Variants in KHDRBS2 observed in about 807,000 individuals in gnomAD.
KHDRBS2 encodes KH RNA binding domain containing, signal transduction associated 2.
KHDRBS2 carries 26 observed loss-of-function variants against 44.3 expected under a neutral mutation model. That is an observed-to-expected ratio of 0.59 (90% CI 0.43 to 0.81). The LOEUF is 0.81. Among genes scored for constraint, KHDRBS2 ranks in the 40% least tolerant of loss-of-function variants. The pLI is 0.00. For missense variants in KHDRBS2, 476 were observed against 433.1 expected (o/e 1.10, Z -0.88); for synonymous variants, 194 against 151.1 (o/e 1.28, Z -2.08).
the KHDRBS2 span, among the ~76,000 whole-genome samples, chr6:61,571,789 C>T: frequency 6.6e-6 from 1 of 151,674 alleles, no homozygotes; most frequent in Non-Finnish European, 1.5e-5. Context: ...ACATGCAAAA[C>T]CTCTGGGAGA....
the KHDRBS2 span, among the ~76,000 whole-genome samples, chr6:61,622,879 A>C: frequency 6.6e-6 from 1 of 152,124 alleles, no homozygotes; most frequent in African/African-American, 2.4e-5. Context: ...TGGTCAGATA[A>C]GTGTTCACAG....
chr6:62,062,386 C>T (rs1477263007), intron 2 of KHDRBS2, among the ~76,000 whole-genome samples: 1 of 144,542 alleles, frequency 6.9e-6, no homozygotes, highest in Non-Finnish European at 1.5e-5. Flanking sequence ...AAGTAAAGCT[C>T]TCCTCAGCAA....
chr6:61,860,872 A>C (rs1796853594), intron 6 of KHDRBS2, among the ~76,000 whole-genome samples: 1 of 151,924 alleles, frequency 6.6e-6, no homozygotes, highest in Non-Finnish European at 1.5e-5. Context: ...CACAATCTCG[A>C]CAGCATCTGT....
At chr6:61,710,982 T>C (rs1049320895) in intron 7 of KHDRBS2, among the ~76,000 whole-genome samples, 2 of 149,584 alleles carry the variant, frequency 1.3e-5, no homozygotes, top group Non-Finnish European at 3.0e-5. Context: ...GTGTTCCTAA[T>C]GCAGAAGCCC....
the KHDRBS2 span, among the ~76,000 whole-genome samples, chr6:61,567,224 GA>G: frequency 1.8e-4 from 27 of 151,696 alleles, no homozygotes; most frequent in South Asian, 1.0e-3. Flanking sequence ...CTCAAAGGGG[GA>G]AAAAAAAGAA....
the KHDRBS2 span, among the ~76,000 whole-genome samples, chr6:61,565,506 G>A: frequency 6.6e-6 from 1 of 152,004 alleles, no homozygotes; most frequent in Non-Finnish European, 1.5e-5. Context: ...TGGGCAAAAG[G>A]TCTAAATAGA....
intron 8 of KHDRBS2, among the ~76,000 whole-genome samples, chr6:61,682,391 A>G (rs1392062676): frequency 5.3e-5 from 8 of 151,894 alleles, no homozygotes; most frequent in Non-Finnish European, 1.2e-4. Context: ...TTAGTCTTTT[A>G]TAGGATATAA....
chr6:61,560,259 G>A, the KHDRBS2 span, among the ~76,000 whole-genome samples: 1 of 152,202 alleles, frequency 6.6e-6, no homozygotes, highest in East Asian at 1.9e-4. Context: ...ACCTTTAGAA[G>A]ATTAATAATT....
intron 2 of KHDRBS2, among the ~76,000 whole-genome samples, chr6:62,101,385 C>T (rs1398244370): frequency 1.3e-5 from 2 of 152,046 alleles, no homozygotes; most frequent in Non-Finnish European, 2.9e-5. Flanking sequence ...TCTTGGATTT[C>T]ATGGGGTAAA....
At chr6:61,677,394 T>G (rs1766005567), downstream of KHDRBS2, among the ~76,000 whole-genome samples, 2 of 151,932 alleles carry the variant, frequency 1.3e-5, no homozygotes, top group South Asian at 4.1e-4. Flanking sequence ...ATGTTACTGA[T>G]AAGTAAAATT....
intron 7 of KHDRBS2, among the ~76,000 whole-genome samples, chr6:61,706,860 T>C (rs1769649956): frequency 6.6e-6 from 1 of 151,482 alleles, no homozygotes; most frequent in Non-Finnish European, 1.5e-5. Context: ...TGTTAGGAAA[T>C]ACACAGTGAA....
chr6:62,046,482 A>G (rs1787720191), intron 3 of KHDRBS2, among the ~76,000 whole-genome samples: 3 of 151,940 alleles, frequency 2.0e-5, no homozygotes, highest in Non-Finnish European at 4.4e-5. Context: ...TGCTGGGGAG[A>G]TGATGACAAG....
chr6:61,954,838 A>G lies in KHDRBS2; in HGVS notation c.483+23228T>C, dbSNP rs201060306. Among the ~76,000 whole-genome samples the G allele has an allele frequency of 9.0e-3, 447 of 49,906 alleles. 122 individuals carry two copies. Among genetic ancestry groups the G allele is most frequent in the African/African-American group, 0.026 (222 of 8,520 alleles). The allele number at this position is 49,906 out of a possible 152,430, so 32.7% of individuals were successfully genotyped here. A position where few individuals can be genotyped will look rare whatever the true frequency, so the allele number is the denominator to read the frequency against. On this transcript the variant is annotated intron_variant, in intron 4 of 8. Transcript: ENST00000281156. ...CATGTGTATATACACATGCATATGT[A>G]TGTATACATATGCATGTGTATATAC...
intron 1 of KHDRBS2, among the ~76,000 whole-genome samples, chr6:62,196,228 G>A (rs1825674213): frequency 6.6e-6 from 1 of 152,128 alleles, no homozygotes; most frequent in Admixed American, 6.6e-5. Context: ...AGAATAAGTT[G>A]AAATATTTGG....
chr6:61,740,927 C>T (rs1308317645), intron 6 of KHDRBS2, among the ~76,000 whole-genome samples: 1 of 151,890 alleles, frequency 6.6e-6, no homozygotes, highest in East Asian at 1.9e-4. Context: ...ATAATAACCA[C>T]CATTGTCCAC....
At chr6:62,028,699 G>A (rs1180220186) in intron 3 of KHDRBS2, among the ~76,000 whole-genome samples, 4 of 151,918 alleles carry the variant, frequency 2.6e-5, no homozygotes, top group Non-Finnish European at 5.9e-5. Flanking sequence ...GTTTGCATGT[G>A]GATATGTGTG....
intron 6 of KHDRBS2, among the ~76,000 whole-genome samples, chr6:61,808,696 A>G (rs1251782363): frequency 6.6e-6 from 1 of 152,140 alleles, no homozygotes; most frequent in African/African-American, 2.4e-5. Flanking sequence ...TCTGTATTTC[A>G]ATGACTGCAA....
At chr6:61,923,385 A>C (rs2127360705) in intron 4 of KHDRBS2, among the ~76,000 whole-genome samples, 1 of 152,234 alleles carries the variant, frequency 6.6e-6, no homozygotes, top group African/African-American at 2.4e-5. Context: ...AGGAATTAGA[A>C]AAATTTTTGG....
chr6:62,102,366 C>T (rs1381506599), intron 2 of KHDRBS2, among the ~76,000 whole-genome samples: 11 of 152,156 alleles, frequency 7.2e-5, no homozygotes. Flanking sequence ...AGGAGTACTG[C>T]AAGTGGCTTC....
Sources: allele counts gnomAD v4.1 joint callset (sites outside exome capture counted in the v4.1 genomes callset), GRCh38; gene constraint gnomAD v4.1.1; transcripts MANE v1.5; gene names NCBI Gene and HGNC (gene_info 2026-07-23, HGNC 2026-07-21).